CFAP47: variants seen among roughly 807,000 people sequenced by gnomAD.
The protein encoded by CFAP47 is cilia- and flagella-associated protein 47.
A neutral mutation model predicts 148.1 loss-of-function variants in CFAP47; 29 were observed. The ratio of observed to expected loss-of-function variants is 0.20; its 90% CI spans 0.15 to 0.27. The LOEUF is 0.27. Ranked by LOEUF, CFAP47 falls within the 10% of genes least tolerant of loss-of-function variation. The pLI is 1.00. For synonymous variants in CFAP47, 664 were observed against 577.3 expected, an observed-to-expected ratio of 1.15 and a Z score of -2.15; for missense variants, 1,872 against 1,697.5, an observed-to-expected ratio of 1.10 and a Z score of -1.81.
intron 6 of CFAP47, among the ~76,000 whole-genome samples, chrX:35,952,846 G>C (rs1248143158): frequency 8.9e-6 from 1 of 111,909 alleles, no homozygotes; most frequent in Admixed American, 9.5e-5. Context: ...GTTAACTTGA[G>C]AGTCTAGCAT....
intron 57 of CFAP47, among the ~76,000 whole-genome samples, chrX:36,343,107 C>T (rs1365205771): frequency 9.0e-6 from 1 of 111,524 alleles, no homozygotes; most frequent in Non-Finnish European, 1.9e-5. Context: ...ATAATGGTTT[C>T]CAGCTTCATC....
At chrX:36,137,884 G>T in intron 33 of CFAP47, 74 bp from the exon 34 acceptor site, 1 of 420,421 alleles carries the variant, frequency 2.4e-6, no homozygotes, top group Non-Finnish European at 4.0e-6. Context: ...TTTTACTATT[G>T]CTCAAATTTC....
chrX:36,270,549 GTATA>G (rs782687841), intron 49 of CFAP47, among the ~76,000 whole-genome samples: 3 of 95,518 alleles, frequency 3.1e-5, no homozygotes, highest in African/African-American at 7.8e-5. Context: ...TTTAAAATTT[GTATA>G]TATATATATA....
chrX:35,936,175 G>A (rs1193450379), intron 2 of CFAP47, among the ~76,000 whole-genome samples: 1 of 111,233 alleles, frequency 9.0e-6, no homozygotes, highest in Non-Finnish European at 1.9e-5. Context: ...TGTCCCACAG[G>A]CCTCTGAGAC....
intron 49 of CFAP47, among the ~76,000 whole-genome samples, chrX:36,277,781 G>A (rs1454992976): frequency 1.8e-5 from 2 of 111,849 alleles, no homozygotes; most frequent in Non-Finnish European, 3.8e-5. Context: ...CTACCATATT[G>A]GATAGCACAA....
intron 40 of CFAP47, among the ~76,000 whole-genome samples, chrX:36,180,968 G>C (rs983200025): frequency 1.8e-5 from 2 of 112,166 alleles, no homozygotes; most frequent in Non-Finnish European, 3.8e-5. Flanking sequence ...AAACACTTCT[G>C]TAAACAGTTC....
intron 39 of CFAP47, among the ~76,000 whole-genome samples, chrX:36,162,243 G>T (rs4433308): frequency 0.099 from 11,014 of 111,474 alleles, 1,063 homozygotes; most frequent in African/African-American, 0.3. Flanking sequence ...TTAATCAAGT[G>T]ATTTTAACTA....
At chrX:36,212,698 T>G (rs182562572) in intron 45 of CFAP47, among the ~76,000 whole-genome samples, 3 of 111,887 alleles carry the variant, frequency 2.7e-5, no homozygotes, top group African/African-American at 9.7e-5. Context: ...AAATTATTCA[T>G]TACAAATATA....
At chrX:36,173,856 G>T (rs1939625308) in intron 39 of CFAP47, among the ~76,000 whole-genome samples, 1 of 111,564 alleles carries the variant, frequency 9.0e-6, no homozygotes, top group South Asian at 3.8e-4. Flanking sequence ...AGGTATCCTT[G>T]TTGACTTTCT....
chrX:36,109,730 T>C (rs1016491018), intron 33 of CFAP47, among the ~76,000 whole-genome samples: 2 of 111,696 alleles, frequency 1.8e-5, no homozygotes, highest in Non-Finnish European at 3.8e-5. Flanking sequence ...CACATCGGCC[T>C]CCCACAGTGC....
At chrX:35,998,772 A>G (rs1398422948) in intron 19 of CFAP47, among the ~76,000 whole-genome samples, 1 of 111,330 alleles carries the variant, frequency 9.0e-6, no homozygotes. Context: ...TGGAGGTTAA[A>G]CTCTGTAGTA....
intron 2 of CFAP47, among the ~76,000 whole-genome samples, chrX:35,938,495 C>A (rs775065098): frequency 1.8e-5 from 2 of 110,186 alleles, no homozygotes; most frequent in Non-Finnish European, 3.8e-5. Flanking sequence ...CTAAGTTTGA[C>A]GAGTTTTTTT....
At chrX:36,117,609 G>C (rs912735594) in intron 33 of CFAP47, among the ~76,000 whole-genome samples, 1 of 111,647 alleles carries the variant, frequency 9.0e-6, no homozygotes, top group African/African-American at 3.2e-5. Context: ...TTTTCTTATA[G>C]AGTTGTTTGA....
chrX:36,068,459 G>C (rs950564749), intron 27 of CFAP47, among the ~76,000 whole-genome samples: 4 of 111,651 alleles, frequency 3.6e-5, no homozygotes, highest in African/African-American at 6.5e-5. Flanking sequence ...TTGTAAAATG[G>C]ATTACTTGAA....
intron 21 of CFAP47, among the ~76,000 whole-genome samples, chrX:36,014,284 T>A (rs1319091009): frequency 8.9e-6 from 1 of 112,041 alleles, no homozygotes; most frequent in East Asian, 2.8e-4. Context: ...CTTTGAGTAT[T>A]CTTTATGTAC....
rs909409394 is a variant in CFAP47, at chrX:36,224,418, A to G, written c.6818-4210A>G. On this transcript the variant is annotated intron_variant, in intron 45 of 63. Coordinates refer to ENST00000378653, the MANE Select transcript of CFAP47 (RefSeq NM_001304548.2). ...CATGTATGTTTCTCTGCAGTTAGGG[A>G]ATTGTAGATTATTACAGTAAAAGCC... 3.6e-5 allele frequency among the ~76,000 whole-genome samples: 4 copies of G among 111,436 alleles called. No individual in the cohort carries two copies. In the Admixed American group the frequency reaches 3.8e-4, roughly 11 times the overall value.
chrX:36,208,454 T>C (rs1555989051), intron 45 of CFAP47, among the ~76,000 whole-genome samples: 2 of 110,143 alleles, frequency 1.8e-5, no homozygotes, highest in African/African-American at 6.6e-5. Context: ...GCCCTGGGTA[T>C]ACACGGGTTC....
rs1569199111 is a variant in CFAP47, at chrX:35,919,850, C to T, written c.51C>T (p.Leu17=). 1 of 1,209,351 alleles carries T rather than the reference C, an allele frequency of 8.3e-7. No individual in the cohort carries two copies. Among genetic ancestry groups the T allele is most frequent in the East Asian group, 3.0e-5 (1 of 33,726 alleles). ...SLTINVHRGS[L]AMSIQRGSLV... Reference sequence around the variant, plus strand: ...CCATAAACGTCCACAGAGGTTCCCTCGCCATGAGCATCCAAAGGGGTTCCC... The same window carrying T: ...CCATAAACGTCCACAGAGGTTCCCTTGCCATGAGCATCCAAAGGGGTTCCC... Residue 17 remains leucine (L), a synonymous_variant, in exon 1 of 64, where the codon CTC becomes CTT. Coordinates refer to ENST00000378653, the MANE Select transcript of CFAP47 (RefSeq NM_001304548.2).
intron 39 of CFAP47, among the ~76,000 whole-genome samples, chrX:36,171,756 G>T (rs759012687): frequency 1.8e-5 from 2 of 111,516 alleles, no homozygotes; most frequent in Admixed American, 1.9e-4. Flanking sequence ...TGTTCTTTTG[G>T]CTCAGGATTG....
Sources: allele counts gnomAD v4.1 joint callset (sites outside exome capture counted in the v4.1 genomes callset), GRCh38; gene constraint gnomAD v4.1.1; transcripts MANE v1.5; gene names NCBI Gene and HGNC (gene_info 2026-07-23, HGNC 2026-07-21).